Variants in ASB7 observed in about 807,000 individuals in gnomAD.
ASB7 encodes ankyrin repeat and SOCS box protein 7.
In ASB7, 4 loss-of-function variants were observed where a neutral mutation model predicts 32.5. That is an observed-to-expected ratio of 0.12 (90% CI 0.06 to 0.28). ASB7 has a LOEUF of 0.28. Ranked by LOEUF, ASB7 falls within the 10% of genes least tolerant of loss-of-function variation. The pLI, the probability that ASB7 is intolerant of heterozygous loss-of-function variation, is 1.00. For missense variants in ASB7, 181 were observed against 407.1 expected, an observed-to-expected ratio of 0.44 and a Z score of 4.78; for synonymous variants, 172 against 155.6, an observed-to-expected ratio of 1.11 and a Z score of -0.78.
intron 4 of ASB7, 102 bp downstream of exon 4, chr15:100,612,529 A>G (rs2039706133): frequency 1.9e-6 from 2 of 1,078,822 alleles, no homozygotes; most frequent in Non-Finnish European, 1.4e-6. Flanking sequence ...TCTTCTGTTA[A>G]TACTCAACAT....
rs567988594 is a variant in ASB7 at position 100,614,088 on chromosome 15, C to T, written c.211+1661C>T. On this transcript the variant is annotated intron_variant, in intron 4 of 5. Transcript: ENST00000332783. The stretch of plus-strand genomic sequence containing the variant: ...AGGAGTTTGAGACCAGCTTGGCCAA[C>T]GTGGCGAAACCCCATCTCTACTAAG... 5.3e-5 allele frequency among the ~76,000 whole-genome samples: 8 copies of T among 152,182 alleles called. No homozygotes were observed. In the South Asian group the frequency reaches 8.3e-4, roughly 16 times the overall value.
intron 4 of ASB7, among the ~76,000 whole-genome samples, chr15:100,625,010 A>G (rs1268246272): frequency 1.3e-5 from 2 of 152,228 alleles, no homozygotes; most frequent in African/African-American, 4.8e-5. Context: ...ATAAAACATA[A>G]ATACCTAACA....
chr15:100,611,171 A>C (rs1303947632), intron 3 of ASB7, among the ~76,000 whole-genome samples: 1 of 152,086 alleles, frequency 6.6e-6, no homozygotes, highest in Admixed American at 6.6e-5. Context: ...CTACCTGCCG[A>C]GTAGCTGGGA....
At position 100,630,139 on chromosome 15, in the gene ASB7, A is replaced by G. The variant is rs372085889; in HGVS notation, c.817+97A>G. ...TGCAACTTAAGATGACTAGATATTAATCATTCCTATAACCACTGCTTGGTA... is the reference window on the plus strand; with the variant it reads ...TGCAACTTAAGATGACTAGATATTAGTCATTCCTATAACCACTGCTTGGTA... On this transcript the variant is annotated intron_variant, in intron 5 of 5. Coordinates refer to ENST00000332783, the MANE Select transcript of ASB7 (RefSeq NM_198243.3). The G allele has an allele frequency of 4.2e-6, 6 of 1,414,684 alleles. No homozygotes were observed. In the East Asian group the frequency reaches 1.3e-4, roughly 30 times the overall value. 87.6% of individuals were successfully genotyped at this position (1,414,684 alleles called of 1,614,324 possible).
chr15:100,632,058 C>T (rs532542234), intron 5 of ASB7, among the ~76,000 whole-genome samples: 113 of 152,324 alleles, frequency 7.4e-4, no homozygotes, highest in African/African-American at 2.6e-3. Context: ...GCCGTGTGTC[C>T]CTGAGCCCTC....
intron 5 of ASB7, among the ~76,000 whole-genome samples, chr15:100,632,215 C>T (rs190028279): frequency 7.9e-5 from 12 of 152,302 alleles, no homozygotes; most frequent in East Asian, 1.9e-4. Context: ...CAGAGCTGTG[C>T]GCCTAGGAGG....
intron 4 of ASB7, among the ~76,000 whole-genome samples, chr15:100,628,057 A>C (rs1316398440): frequency 6.6e-6 from 1 of 152,228 alleles, no homozygotes; most frequent in Non-Finnish European, 1.5e-5. Flanking sequence ...GTAAACAGAT[A>C]CTGTATATTT....
At chr15:100,605,113 G>C (rs970462184) in intron 2 of ASB7, among the ~76,000 whole-genome samples, 1 of 152,168 alleles carries the variant, frequency 6.6e-6, no homozygotes, top group African/African-American at 2.4e-5. Flanking sequence ...TGCTTAAATC[G>C]TATTTCATGG....
intron 4 of ASB7, among the ~76,000 whole-genome samples, chr15:100,620,014 A>C (rs1356079189): frequency 6.6e-6 from 1 of 152,240 alleles, no homozygotes; most frequent in Admixed American, 6.5e-5. Flanking sequence ...TTCCTCGGAC[A>C]CAGTAGCCAT....
Position 100,629,046 on chromosome 15 carries a change from A to G in ASB7, c.212-391A>G, listed in dbSNP as rs1407598741. ...CACATGCTTCTCTTTAAGACCGAGA[A>G]GAAGCACAAGAGAAAATAAAACAAA... is the stretch of plus-strand genomic sequence containing the variant. On this transcript the variant is annotated intron_variant, in intron 4 of 5. Coordinates refer to ENST00000332783, the MANE Select transcript of ASB7 (RefSeq NM_198243.3). This position sits in a 1 kb window ranked among gnomAD's most constrained non-coding sequence, Gnocchi z 6.8. 6.6e-6 allele frequency among the ~76,000 whole-genome samples: 1 copy of G among 152,244 alleles called. No homozygotes were observed. The highest frequency in any genetic ancestry group is 1.5e-5 in the Non-Finnish European group (1 of 68,044).
At chr15:100,630,304 G>A (rs2039874326) in intron 5 of ASB7, 7 of 753,844 alleles carry the variant, frequency 9.3e-6, no homozygotes, top group Non-Finnish European at 1.2e-5. Context: ...ACAGAGAGGA[G>A]AATTTTTTTT....
rs77691853 is a variant in ASB7, at chr15:100,642,647, A to C, written c.818-5676A>C. Among the ~76,000 whole-genome samples the C allele has an allele frequency of 7.9e-3, 1,200 of 152,336 alleles. 14 individuals are homozygous for C. The highest frequency in any genetic ancestry group is 0.024 in the African/African-American group (1,000 of 41,570). On this transcript the variant is annotated intron_variant, in intron 5 of 5. Coordinates refer to ENST00000332783, the MANE Select transcript of ASB7 (RefSeq NM_198243.3). ...CAGTTATCTAATGCTGCAGAACTTT[A>C]GTGGCTTAAAACAACAAGAGACATT... is the stretch of plus-strand genomic sequence containing the variant.
intron 5 of ASB7, among the ~76,000 whole-genome samples, chr15:100,636,043 T>A (rs1458105360): frequency 1.3e-5 from 2 of 152,210 alleles, no homozygotes; most frequent in Non-Finnish European, 2.9e-5. Context: ...AGTGGGGGGC[T>A]TCTTAATACT....
intron 2 of ASB7, among the ~76,000 whole-genome samples, chr15:100,605,025 A>C (rs533403761): frequency 3.1e-4 from 47 of 152,340 alleles, no homozygotes; most frequent in African/African-American, 4.1e-4. Flanking sequence ...GGTAAAGGGA[A>C]GGAGTCTGTG....
chr15:100,644,507 T>G (rs2039984429), intron 5 of ASB7, among the ~76,000 whole-genome samples: 1 of 152,218 alleles, frequency 6.6e-6, no homozygotes, highest in African/African-American at 2.4e-5. Context: ...GTTGACTGTT[T>G]TATACTTTAA....
intron 2 of ASB7, among the ~76,000 whole-genome samples, chr15:100,605,676 C>T (rs550120332): frequency 5.3e-5 from 8 of 152,302 alleles, no homozygotes; most frequent in African/African-American, 1.4e-4. Flanking sequence ...GCCCTCCCTA[C>T]GTAGGATGAT....
chr15:100,603,740 C>T (rs2039600541), intron 2 of ASB7, among the ~76,000 whole-genome samples: 1 of 152,182 alleles, frequency 6.6e-6, no homozygotes, highest in South Asian at 2.1e-4. Context: ...TTTCCTATCA[C>T]CTTTCTTCTA....
chr15:100,611,789 A>G (rs1216439915), intron 3 of ASB7, among the ~76,000 whole-genome samples: 1 of 146,782 alleles, frequency 6.8e-6, no homozygotes, highest in Non-Finnish European at 1.5e-5. Context: ...CTGATTGTTT[A>G]GATTCTTAAG....
intron 2 of ASB7, among the ~76,000 whole-genome samples, chr15:100,604,787 C>T (rs1316990532): frequency 1.3e-5 from 2 of 152,048 alleles, no homozygotes; most frequent in Non-Finnish European, 2.9e-5. Flanking sequence ...AAAAGCTACC[C>T]GGAAATCTTT....
Sources: gnomAD v4.1 joint callset for allele counts (sites outside exome capture counted in the v4.1 genomes callset) on GRCh38, gnomAD v4.1.1 for gene constraint, Gnocchi (gnomAD v3.1) non-coding constraint, MANE v1.5 for transcripts, NCBI Gene and HGNC (gene_info 2026-07-23, HGNC 2026-07-21) for gene names.